DCBLD1: variants seen among roughly 807,000 people sequenced by gnomAD.
DCBLD1 encodes discoidin, CUB and LCCL domain-containing protein 1.
Under a neutral mutation model 71.5 loss-of-function variants are expected in DCBLD1, and 57 were observed. That is an observed-to-expected ratio of 0.80 (90% CI 0.64 to 0.99). The LOEUF is 0.99. Among genes scored for constraint, DCBLD1 ranks in the 50% least tolerant of loss-of-function variants. The pLI is 0.00. For missense variants in DCBLD1, 891 were observed against 923.5 expected, an observed-to-expected ratio of 0.96 and a Z score of 0.46; for synonymous variants, 380 against 363.8, an observed-to-expected ratio of 1.04 and a Z score of -0.51.
At position 117,548,647 on chromosome 6, in the gene DCBLD1, C is replaced by A. The variant is rs1779361050; in HGVS notation, c.*208C>A. On this transcript the variant is annotated 3_prime_UTR_variant, in exon 15 of 15. Transcript: ENST00000338728. ...TGGTTTCGTGCTGACCCTTAGGGTG[C>A]GTCTGTTGGGTTTTGTTGGGCTAGA... 4 of 1,413,454 alleles carry A rather than the reference C, an allele frequency of 2.8e-6. No homozygotes were observed. The highest frequency in any genetic ancestry group is 3.7e-6 in the Non-Finnish European group (4 of 1,089,430). The allele number at this position is 1,413,454 out of a possible 1,614,324, so 87.6% of individuals were successfully genotyped here. A position where few individuals can be genotyped will look rare whatever the true frequency, so the allele number is the denominator to read the frequency against.
chr6:117,562,972 G>A (rs564908356), intron 14 of DCBLD1: 1 of 357,242 alleles, frequency 2.8e-6, no homozygotes, highest in Non-Finnish European at 5.1e-6. Context: ...GTTTCATTTG[G>A]TACTTAAGAG....
Position 117,507,379 on chromosome 6 carries a change from G to A in DCBLD1, c.325+3400G>A, listed in dbSNP as rs548569285. On this transcript the variant is annotated intron_variant, in intron 2 of 14. Coordinates refer to ENST00000338728, the MANE Select transcript of DCBLD1 (RefSeq NM_001366458.2). ...CTGTTTCCTAATACAGACAAAATGGGATTATTCTTCTTCTGTTTGTCATAT... is the reference window on the plus strand; with the variant it reads ...CTGTTTCCTAATACAGACAAAATGGAATTATTCTTCTTCTGTTTGTCATAT... 2.0e-4 allele frequency among the ~76,000 whole-genome samples: 30 copies of A among 152,196 alleles called. No homozygotes were observed. The South Asian group carries it at 6.0e-3, about 31-fold the overall frequency.
intron 14 of DCBLD1, among the ~76,000 whole-genome samples, chr6:117,559,097 A>C (rs1336193148): frequency 6.6e-6 from 1 of 152,188 alleles, no homozygotes; most frequent in African/African-American, 2.4e-5. Flanking sequence ...ACCAGATGTC[A>C]CTGTCTTTAC....
At chr6:117,532,460 T>C (rs999310244) in intron 6 of DCBLD1, 67 bp downstream of exon 6, 6 of 1,472,934 alleles carry the variant, frequency 4.1e-6, no homozygotes, top group Non-Finnish European at 4.5e-6. Flanking sequence ...ATTAACCAGC[T>C]CACAACTTTG....
chr6:117,500,194 T>G (rs911512478), intron 1 of DCBLD1, among the ~76,000 whole-genome samples: 1 of 152,226 alleles, frequency 6.6e-6, no homozygotes, highest in Admixed American at 6.5e-5. Flanking sequence ...GAGTGAAAAT[T>G]CCTGATGTAG....
rs372403617 is a variant in DCBLD1 at position 117,519,694 on chromosome 6, G to A, written c.326-122G>A. On this transcript the variant is annotated intron_variant, in intron 2 of 14. Transcript: ENST00000338728. The stretch of plus-strand genomic sequence containing the variant: ...GTCAAGCTAAATTTCAGTTGGTAAA[G>A]ATTATAATCATACATATGTATTGTC... 21 of 1,293,572 alleles carry A rather than the reference G, an allele frequency of 1.6e-5. No homozygotes were observed. In the African/African-American group the frequency reaches 2.4e-4, roughly 15 times the overall value. The allele number at this position is 1,293,572 out of a possible 1,614,324, so 80.1% of individuals were successfully genotyped here. A position where few individuals can be genotyped will look rare whatever the true frequency, so the allele number is the denominator to read the frequency against.
intron 1 of DCBLD1, among the ~76,000 whole-genome samples, chr6:117,489,030 A>G (rs1333405409): frequency 6.6e-6 from 1 of 152,162 alleles, no homozygotes; most frequent in Non-Finnish European, 1.5e-5. Context: ...TGTCTTGTAT[A>G]TAATTATATA....
chr6:117,487,041 C>T (rs976245253), intron 1 of DCBLD1, among the ~76,000 whole-genome samples: 2 of 152,062 alleles, frequency 1.3e-5, no homozygotes, highest in Admixed American at 1.3e-4. Flanking sequence ...AGAAACCATC[C>T]CCCTCCAACC....
Position 117,549,340 on chromosome 6 carries a change from T to G in DCBLD1, c.*901T>G. 1.0e-6 allele frequency: 1 copy of G among 985,428 alleles called. No homozygotes were observed. Among genetic ancestry groups the G allele is most frequent in the Non-Finnish European group, 1.2e-6 (1 of 829,926 alleles). The allele number at this position is 985,428 out of a possible 1,614,324, so 61.0% of individuals were successfully genotyped here. ...AACAAAGTTATTTGGAACATGTTCA[T>G]GCAAAAGTGATTCTGACCAAGTCTA... On this transcript the variant is annotated 3_prime_UTR_variant, in exon 15 of 15. Coordinates refer to ENST00000338728, the MANE Select transcript of DCBLD1 (RefSeq NM_001366458.2).
chr6:117,547,959 C>T lies in DCBLD1; in HGVS notation c.1668C>T (p.Ser556=). The stretch of plus-strand genomic sequence containing the variant: ...CCGGGACAGTCACGAGGAAGGGCTC[C>T]ACCTTCCGGCCCATGGACACGGATG... ...IGTGTVTRKG[S]TFRPMDTDAE... Residue 556 remains serine, a synonymous_variant, in exon 15 of 15, where the codon TCC becomes TCT. Transcript: ENST00000338728. 1 of 1,550,632 alleles carries T rather than the reference C, an allele frequency of 6.4e-7. No individual in the cohort carries two copies. Among genetic ancestry groups the T allele is most frequent in the Non-Finnish European group, 8.7e-7 (1 of 1,146,990 alleles).
intron 5 of DCBLD1, among the ~76,000 whole-genome samples, chr6:117,531,299 T>G (rs1387719465): frequency 6.6e-6 from 1 of 152,208 alleles, no homozygotes; most frequent in Admixed American, 6.5e-5. Context: ...AAGTGGAGCA[T>G]AGCTAAGGTT....
chr6:117,548,074 C>A lies in DCBLD1; in HGVS notation c.1783C>A (p.Pro595Thr). ...GRHEYALPLA[P>T]PEPEYATPIV... ...CCACGAGTACGCGCTGCCCCTGGCG[C>A]CCCCGGAGCCCGAGTACGCCACGCC... is the stretch of plus-strand genomic sequence containing the variant. Residue 595 changes from proline to threonine, a missense_variant, in exon 15 of 15, where the codon CCC (proline) becomes ACC (threonine). Transcript: ENST00000338728. The A allele has an allele frequency of 1.9e-6, 3 of 1,548,710 alleles. No individual in the cohort carries two copies. In the African/African-American group the frequency reaches 4.1e-5, roughly 21 times the overall value.
At chr6:117,511,647 T>C (rs1778025343) in intron 2 of DCBLD1, among the ~76,000 whole-genome samples, 1 of 152,254 alleles carries the variant, frequency 6.6e-6, no homozygotes, top group Non-Finnish European at 1.5e-5. Context: ...TTTAGAATGA[T>C]ACATATCTGA....
At chr6:117,563,411 GAC>G in intron 14 of DCBLD1, 1 of 1,610,224 alleles carries the variant, frequency 6.2e-7, no homozygotes, top group South Asian at 1.1e-5. Context: ...AAAAAAAGCA[GAC>G]ACTTTCTGGT....
chr6:117,549,709 C>G lies in DCBLD1; in HGVS notation c.*1270C>G. ...CTGGAAGGTCATGGCAGACTAGCTGCTGGTTAGTGTGGAGGGGAAATGGTT... is the reference window on the plus strand; with the variant it reads ...CTGGAAGGTCATGGCAGACTAGCTGGTGGTTAGTGTGGAGGGGAAATGGTT... On this transcript the variant is annotated 3_prime_UTR_variant, in exon 15 of 15. Coordinates refer to ENST00000338728, the MANE Select transcript of DCBLD1 (RefSeq NM_001366458.2). 1 of 985,360 alleles carries G rather than the reference C, an allele frequency of 1.0e-6. No homozygotes were observed. The highest frequency in any genetic ancestry group is 4.7e-5 in the South Asian group (1 of 21,284). The allele number at this position is 985,360 out of a possible 1,614,324, so 61.0% of individuals were successfully genotyped here. A position where few individuals can be genotyped will look rare whatever the true frequency, so the allele number is the denominator to read the frequency against.
intron 14 of DCBLD1, among the ~76,000 whole-genome samples, chr6:117,564,149 T>TA (rs1779646374): frequency 6.6e-6 from 1 of 152,076 alleles, no homozygotes; most frequent in African/African-American, 2.4e-5. Flanking sequence ...AGCTATATTT[T>TA]AAAAATTTTT....
rs1779364083 is a variant in DCBLD1 at position 117,548,753 on chromosome 6, G to A, written c.*314G>A. The A allele has an allele frequency of 8.2e-7, 1 of 1,225,054 alleles. No homozygotes were observed. The highest frequency in any genetic ancestry group is 1.6e-5 in the African/African-American group (1 of 63,516). The allele number at this position is 1,225,054 out of a possible 1,614,324, so 75.9% of individuals were successfully genotyped here. ...TGGTGTTAAAGGTGTAATGTGTACA[G>A]AGTTGTATTTAACAATAATAAAAGT... On this transcript the variant is annotated 3_prime_UTR_variant, in exon 15 of 15. Coordinates refer to ENST00000338728, the MANE Select transcript of DCBLD1 (RefSeq NM_001366458.2).
intron 2 of DCBLD1, among the ~76,000 whole-genome samples, chr6:117,516,864 G>T (rs1161289515): frequency 6.6e-6 from 1 of 152,032 alleles, no homozygotes; most frequent in African/African-American, 2.4e-5. Context: ...GAACAGCATG[G>T]GAAAGACCTT....
At chr6:117,506,721 G>T (rs1473883909) in intron 2 of DCBLD1, among the ~76,000 whole-genome samples, 1 of 152,176 alleles carries the variant, frequency 6.6e-6, no homozygotes, top group African/African-American at 2.4e-5. Flanking sequence ...AGGGTGGGAG[G>T]CACCTCTGCA....
Sources: gnomAD v4.1 joint callset for allele counts (sites outside exome capture counted in the v4.1 genomes callset) on GRCh38, gnomAD v4.1.1 for gene constraint, MANE v1.5 for transcripts, NCBI Gene and HGNC (gene_info 2026-07-23, HGNC 2026-07-21) for gene names.